Variants in SSPN observed in about 807,000 individuals in gnomAD.
The protein encoded by SSPN is K-ras oncogene-associated protein.
In SSPN, 15 loss-of-function variants were observed where a neutral mutation model predicts 19.1. That is an observed-to-expected ratio of 0.78 (90% CI 0.52 to 1.21). The LOEUF is 1.21. SSPN is among the 50% of genes most tolerant of loss of function. The pLI is 0.00. For synonymous variants in SSPN, 147 were observed against 140.3 expected, an observed-to-expected ratio of 1.05 and a Z score of -0.34; for missense variants, 291 against 314.0, an observed-to-expected ratio of 0.93 and a Z score of 0.55.
At chr12:26,123,149 C>T (rs1477294830) in intron 1 of SSPN, 1 of 1,597,018 alleles carries the variant, frequency 6.3e-7, no homozygotes, top group South Asian at 1.1e-5. Flanking sequence ...ACTGAATGGG[C>T]GATTTCAGAG....
chr12:26,168,525 G>C (rs144831859), intron 1 of SSPN, among the ~76,000 whole-genome samples: 1 of 152,326 alleles, frequency 6.6e-6, no homozygotes, highest in Non-Finnish European at 1.5e-5. Context: ...CTCACTTCTG[G>C]ATACAGTTAG....
chr12:26,122,922 G>C (rs1375085027), intron 1 of SSPN: 1 of 1,550,980 alleles, frequency 6.4e-7, no homozygotes, highest in Non-Finnish European at 8.7e-7. Context: ...GGCGGCCGCG[G>C]ACCCGGCGGC....
At chr12:26,218,032 G>A (rs903512067) in intron 1 of SSPN, among the ~76,000 whole-genome samples, 1 of 151,190 alleles carries the variant, frequency 6.6e-6, no homozygotes, top group Non-Finnish European at 1.5e-5. Context: ...GTTTATTGTG[G>A]CATTATTCAC....
At chr12:26,183,454 T>C (rs1345869862) in intron 1 of SSPN, among the ~76,000 whole-genome samples, 1 of 152,188 alleles carries the variant, frequency 6.6e-6, no homozygotes, top group Non-Finnish European at 1.5e-5. Context: ...GCACATGTTA[T>C]CAAAACTAAA....
At chr12:26,125,042 C>T (rs1944351998) in intron 1 of SSPN, 1 of 569,460 alleles carries the variant, frequency 1.8e-6, no homozygotes, top group Non-Finnish European at 3.2e-6. Flanking sequence ...TGTTTGGCCA[C>T]AGGGCACGCG....
intron 1 of SSPN, among the ~76,000 whole-genome samples, chr12:26,129,272 G>A (rs1472843562): frequency 6.6e-6 from 1 of 152,176 alleles, no homozygotes; most frequent in South Asian, 2.1e-4. Flanking sequence ...ATCTGCAGAC[G>A]TTTTACATCA....
At chr12:26,122,091 G>A (rs905054948) in exon 1 of SSPN, 5 of 1,549,848 alleles carry the variant, frequency 3.2e-6, no homozygotes, top group Middle Eastern at 1.7e-4. Flanking sequence ...TCCTGGCTGC[G>A]AGGGATCTTC....
At chr12:26,125,341 C>G (rs2137391529) in intron 1 of SSPN, 1 of 227,204 alleles carries the variant, frequency 4.4e-6, no homozygotes, top group Non-Finnish European at 8.8e-6. Flanking sequence ...CTCCAAAATG[C>G]GACTCCCTGG....
chr12:26,177,509 C>A (rs1944691810), intron 1 of SSPN, among the ~76,000 whole-genome samples: 1 of 152,198 alleles, frequency 6.6e-6, no homozygotes, highest in African/African-American at 2.4e-5. Context: ...AGGCATCACA[C>A]ATGACTCAGA....
At chr12:26,155,585 G>C (rs1453623418) in intron 1 of SSPN, among the ~76,000 whole-genome samples, 1 of 152,192 alleles carries the variant, frequency 6.6e-6, no homozygotes, top group Non-Finnish European at 1.5e-5. Flanking sequence ...GTTAATATGT[G>C]TGTAGGCCAG....
chr12:26,145,021 CACA>C (rs767356111), intron 1 of SSPN, among the ~76,000 whole-genome samples: 1 of 152,190 alleles, frequency 6.6e-6, no homozygotes, highest in African/African-American at 2.4e-5. Context: ...GACTTCACCC[CACA>C]ACAAGTGGCA....
At chr12:26,198,130 C>T (rs1270980079) in intron 1 of SSPN, among the ~76,000 whole-genome samples, 2 of 151,912 alleles carry the variant, frequency 1.3e-5, no homozygotes, top group Non-Finnish European at 2.9e-5. Flanking sequence ...TGTTGAGCAC[C>T]AGCTCAGCCA....
At chr12:26,180,777 C>T (rs1485402442) in intron 1 of SSPN, 1 of 152,174 alleles carries the variant, frequency 6.6e-6, no homozygotes, top group African/African-American at 2.4e-5. Flanking sequence ...CATACAGCAT[C>T]TTCTACATAG....
chr12:26,123,950 G>T, intron 1 of SSPN: 1 of 803,976 alleles, frequency 1.2e-6, no homozygotes. Context: ...AACTCTGTAC[G>T]GTATAGCACA....
chr12:26,200,958 A>C lies in SSPN; in HGVS notation c.279+5007A>C, dbSNP rs527821835. On this transcript the variant is annotated intron_variant, in intron 1 of 2. Transcript: ENST00000242729. ...TATAGGCATAGGAAGTTCTCATAGT[A>C]AGTATAAAAATGGAATGCAATTGAA... 3.4e-5 allele frequency among the ~76,000 whole-genome samples: 5 copies of C among 146,766 alleles called. No individual in the cohort carries two copies. In the South Asian group the frequency reaches 8.5e-4, roughly 25 times the overall value.
At chr12:26,163,590 T>A (rs1944602997) in intron 1 of SSPN, among the ~76,000 whole-genome samples, 1 of 152,098 alleles carries the variant, frequency 6.6e-6, no homozygotes, top group Non-Finnish European at 1.5e-5. Context: ...AAGAGTAAGG[T>A]AGTTAGGTAG....
chr12:26,123,173 G>T (rs768071227), intron 1 of SSPN: 1 of 1,582,358 alleles, frequency 6.3e-7, no homozygotes, highest in African/African-American at 1.3e-5. Context: ...GCTCCCCTAG[G>T]ATGAGGAAGG....
Position 26,195,641 on chromosome 12 carries a change from G to GCGGGGCCCCCCCCCC in SSPN, c.-31_-30insGGGGCCCCCCCCCCC. The GCGGGGCCCCCCCCCC allele has an allele frequency of 2.7e-6, 3 of 1,105,400 alleles. No homozygotes were observed. The highest frequency in any genetic ancestry group is 3.4e-6 in the Non-Finnish European group (3 of 878,118). The allele number at this position is 1,105,400 out of a possible 1,614,324, so 68.5% of individuals were successfully genotyped here. A position where few individuals can be genotyped will look rare whatever the true frequency, so the allele number is the denominator to read the frequency against. On this transcript the variant is annotated 5_prime_UTR_variant, in exon 1 of 3. Coordinates refer to ENST00000242729, the MANE Select transcript of SSPN (RefSeq NM_005086.5). ...CTCCAGGGCCCAGGGCGCCGCACAC[G>GCGGGGCCCCCCCCCC]CACCCACCCACCCACCCAGCCTCGC...
intron 1 of SSPN, chr12:26,123,866 C>T: frequency 1.3e-6 from 1 of 797,966 alleles, no homozygotes; most frequent in African/African-American, 1.7e-5. Context: ...TCTTTTACTT[C>T]TTGAGCTTTC....
Sources: gnomAD v4.1 joint callset for allele counts (sites outside exome capture counted in the v4.1 genomes callset) on GRCh38, gnomAD v4.1.1 for gene constraint, MANE v1.5 for transcripts, NCBI Gene and HGNC (gene_info 2026-07-23, HGNC 2026-07-21) for gene names.